PTCH1: variants seen among roughly 807,000 people sequenced by gnomAD.
PTCH1 encodes the protein protein patched homolog 1.
Under a neutral mutation model 144.6 loss-of-function variants are expected in PTCH1, and 14 were observed. The ratio of observed to expected loss-of-function variants is 0.10; its 90% CI spans 0.06 to 0.15. The LOEUF is 0.15. PTCH1 is among the 10% of genes least tolerant of loss of function. PTCH1 has a pLI of 1.00. For missense variants in PTCH1, 1,623 were observed against 1,948.3 expected (o/e 0.83, Z 3.14); for synonymous variants, 833 against 793.6 (o/e 1.05, Z -0.83).
At chr9:95,490,516 ATG>A (rs1842311696) in intron 2 of PTCH1, among the ~76,000 whole-genome samples, 2 of 115,788 alleles carry the variant, frequency 1.7e-5, no homozygotes, top group African/African-American at 8.9e-5. Context: ...AAAACCTTCT[ATG>A]TGACACACAC....
intron 2 of PTCH1, among the ~76,000 whole-genome samples, chr9:95,500,186 C>A (rs569415976): frequency 6.6e-6 from 1 of 152,214 alleles, no homozygotes; most frequent in African/African-American, 2.4e-5. Flanking sequence ...AACCTCTGAG[C>A]GGCATCCTAT....
intron 18 of PTCH1, 78 bp from the exon 19 acceptor site, chr9:95,456,491 C>T (rs1838941914): frequency 6.4e-7 from 1 of 1,552,524 alleles, no homozygotes; most frequent in Non-Finnish European, 8.8e-7. Context: ...CGCCAGAGGG[C>T]TAAGGTGTCC....
chr9:95,516,387 G>C, intron 1 of PTCH1: 7 of 1,116,880 alleles, frequency 6.3e-6, no homozygotes, highest in Non-Finnish European at 7.9e-6. Context: ...GGCGTCCCGC[G>C]TCCCCGTGTC....
intron 19 of PTCH1, among the ~76,000 whole-genome samples, chr9:95,454,664 C>T (rs753591872): frequency 9.2e-5 from 14 of 152,208 alleles, no homozygotes; most frequent in Non-Finnish European, 1.3e-4. Context: ...GTTGTGACTA[C>T]CCTGTCACAC....
intron 2 of PTCH1, among the ~76,000 whole-genome samples, chr9:95,493,889 T>C (rs995969096): frequency 6.6e-6 from 1 of 152,188 alleles, no homozygotes; most frequent in African/African-American, 2.4e-5. Flanking sequence ...ATCTCTTTTA[T>C]TCAGGAGGAG....
chr9:95,507,885 C>T, intron 1 of PTCH1: 2 of 1,274,382 alleles, frequency 1.6e-6, no homozygotes, highest in Admixed American at 3.1e-5. Flanking sequence ...GGAAAAGGCA[C>T]ACCAGGGAGG....
Position 95,480,416 on chromosome 9 carries a change from T to C in PTCH1, c.919A>G (p.Thr307Ala). 6.2e-7 allele frequency: 1 copy of C among 1,610,962 alleles called. No homozygotes were observed. Among genetic ancestry groups the C allele is most frequent in the Non-Finnish European group, 8.5e-7 (1 of 1,179,524 alleles). The change falls in exon 6 of 24, where the codon ACA becomes GCA. Residue 307 changes from threonine (T) to alanine (A), a missense_variant. By Grantham distance (58) the Thr-to-Ala change is moderately conservative. Coordinates refer to ENST00000331920, the MANE Select transcript of PTCH1 (RefSeq NM_000264.5). ...TTGGTTGAATTTTTGTTGGGGGCTG[T>C]GGCGGGGCAGTCTGGATCGGCCGGA... Reference protein sequence around the residue: ...LNPADPDCPATAPNKNSTKPL... With the variant: ...LNPADPDCPAAAPNKNSTKPL...
chr9:95,461,651 A>T (rs1346891077), intron 16 of PTCH1, among the ~76,000 whole-genome samples: 1 of 152,240 alleles, frequency 6.6e-6, no homozygotes, highest in African/African-American at 2.4e-5. Flanking sequence ...AGATGAGGAA[A>T]GTGAGGTGCA....
chr9:95,449,370 G>C lies in PTCH1; in HGVS notation c.3550-47C>G, dbSNP rs1025095514. On this transcript the variant is annotated intron_variant, in intron 21 of 23. Coordinates refer to ENST00000331920, the MANE Select transcript of PTCH1 (RefSeq NM_000264.5). This position sits in a 1 kb window ranked among gnomAD's most constrained non-coding sequence, Gnocchi z 5.3. ...TAAAAGTGTTCTTGTCCATTTACCT[G>C]CTGGCCACACTCAAAGCTCAAAGCA... 3.9e-6 allele frequency: 6 copies of C among 1,537,822 alleles called. No homozygotes were observed. Among genetic ancestry groups the C allele is most frequent in the Non-Finnish European group, 5.2e-6 (6 of 1,146,706 alleles).
intron 20 of PTCH1, chr9:95,450,249 C>T (rs1838347720): frequency 4.9e-6 from 2 of 409,864 alleles, no homozygotes; most frequent in Non-Finnish European, 4.6e-6. Context: ...ATGTGTTACA[C>T]AAACACAAAA....
At chr9:95,497,761 C>T (rs2118759444) in intron 2 of PTCH1, among the ~76,000 whole-genome samples, 1 of 152,322 alleles carries the variant, frequency 6.6e-6, no homozygotes, top group South Asian at 2.1e-4. Context: ...ATTTGTTTGG[C>T]ATCCCAATTC....
intron 2 of PTCH1, among the ~76,000 whole-genome samples, chr9:95,501,707 C>T (rs766738085): frequency 5.3e-5 from 8 of 152,016 alleles, no homozygotes; most frequent in African/African-American, 1.2e-4. Context: ...AAACAAAAAG[C>T]TCAAAGAAAT....
chr9:95,485,564 C>G, intron 3 of PTCH1, 121 bp downstream of exon 3: 3 of 1,190,234 alleles, frequency 2.5e-6, no homozygotes, highest in Non-Finnish European at 3.6e-6. Flanking sequence ...GCTATTTGAA[C>G]TAATACTCCA....
rs779844193 is a variant in PTCH1, at chr9:95,449,167, C to T, written c.3706G>A (p.Glu1236Lys). 13 of 1,613,158 alleles carry T rather than the reference C, an allele frequency of 8.1e-6. No homozygotes were observed. The highest frequency in any genetic ancestry group is 2.7e-5 in the African/African-American group (2 of 74,948). Reference sequence around the variant, plus strand: ...TGGGCCTCGTAGTGCCGAAGCTCCTCGCTGAGGCCTGACACTGTCGTCTGG... The same window carrying T: ...TGGGCCTCGTAGTGCCGAAGCTCCTTGCTGAGGCCTGACACTGTCGTCTGG... ...SSQTTVSGLSEELRHYEAQQG... is the reference protein window; with the variant it reads ...SSQTTVSGLSKELRHYEAQQG... The change falls in exon 22 of 24, where the codon GAG (glutamate) becomes AAG (lysine). Residue 1236 changes from glutamate (E) to lysine (K), a missense_variant. By Grantham distance (56) the Glu-to-Lys change is moderately conservative. Around this residue, in one of 7 missense-constraint regions of PTCH1, gnomAD observed 504 missense variants for 679.3 expected, o/e 0.74. Transcript: ENST00000331920. This position sits in a 1 kb window ranked among gnomAD's most constrained non-coding sequence, Gnocchi z 5.3.
chr9:95,459,558 A>G (rs1477873669), intron 17 of PTCH1, 42 bp downstream of exon 17: 2 of 1,609,478 alleles, frequency 1.2e-6, no homozygotes, highest in African/African-American at 2.7e-5. Context: ...CAGGGAAGGC[A>G]CCTCTGTAAG....
chr9:95,482,028 G>T lies in PTCH1; in HGVS notation c.667C>A (p.Leu223Ile), dbSNP rs1266754583. 1 of 1,613,812 alleles carries T rather than the reference G, an allele frequency of 6.2e-7. No homozygotes were observed. The highest frequency in any genetic ancestry group is 8.5e-7 in the Non-Finnish European group (1 of 1,179,718). The change falls in exon 5 of 24, where the codon CTT (leucine) becomes ATT (isoleucine). Residue 223 changes from leucine (L) to isoleucine (I), a missense_variant. Physicochemically the swap from Leu to Ile is conservative, Grantham distance 5. Around this residue, in one of 7 missense-constraint regions of PTCH1, gnomAD observed 39 missense variants for 75.6 expected, o/e 0.52. Transcript: ENST00000331920. Reference sequence around the variant, plus strand: ...GGTGTAATAATCAAACAAGGGTAAAGATATTCTATTATCTGTCAAAGTTAA... The same window carrying T: ...GGTGTAATAATCAAACAAGGGTAAATATATTCTATTATCTGTCAAAGTTAA... The part of the protein sequence containing the change: ...TGYMDQIIEY[L>I]YPCLIITPLD...
chr9:95,509,395 A>T (rs1039608334), upstream of PTCH1, among the ~76,000 whole-genome samples: 4 of 152,130 alleles, frequency 2.6e-5, no homozygotes, highest in Non-Finnish European at 4.4e-5. Flanking sequence ...CATGACTATT[A>T]TTAGCTGCTT....
chr9:95,471,856 T>C (rs1404955089), intron 12 of PTCH1, among the ~76,000 whole-genome samples: 1 of 152,094 alleles, frequency 6.6e-6, no homozygotes, highest in Non-Finnish European at 1.5e-5. Context: ...CTGACCAACA[T>C]GGAGAAACCC....
At chr9:95,515,021 C>A (rs988543224) in intron 1 of PTCH1, among the ~76,000 whole-genome samples, 1 of 152,154 alleles carries the variant, frequency 6.6e-6, no homozygotes, top group African/African-American at 2.4e-5. Flanking sequence ...CATAAACTCA[C>A]AATCGAAAGC....
Sources: gnomAD v4.1 joint callset for allele counts (sites outside exome capture counted in the v4.1 genomes callset) on GRCh38, gnomAD v4.1.1 for gene constraint, gnomAD v4.1.1 regional missense constraint, Gnocchi (gnomAD v3.1) non-coding constraint, MANE v1.5 for transcripts, NCBI Gene and HGNC (gene_info 2026-07-23, HGNC 2026-07-21) for gene names.